LTBP3: variants seen among roughly 807,000 people sequenced by gnomAD.
LTBP3 encodes latent-transforming growth factor beta-binding protein 3.
LTBP3 carries 97 observed loss-of-function variants against 159.7 expected under a neutral mutation model. That is an observed-to-expected ratio of 0.61 (90% CI 0.52 to 0.72). LTBP3 has a LOEUF of 0.72. Ranked by LOEUF, LTBP3 falls within the 30% of genes least tolerant of loss-of-function variation. LTBP3 has a pLI of 0.00. For missense variants in LTBP3, 1,584 were observed against 1,864.3 expected, an observed-to-expected ratio of 0.85 and a Z score of 2.77; for synonymous variants, 824 against 777.1, an observed-to-expected ratio of 1.06 and a Z score of -1.00.
intron 21 of LTBP3, 122 bp from the exon 22 acceptor site, chr11:65,540,736 G>GGAGA: frequency 6.7e-7 from 1 of 1,498,374 alleles, no homozygotes; most frequent in South Asian, 1.2e-5. Flanking sequence ...GGGGCCTACA[G>GGAGA]GGCGGGGCCT....
At chr11:65,541,525 A>C in intron 19 of LTBP3, 75 bp downstream of exon 19, 2 of 1,608,572 alleles carry the variant, frequency 1.2e-6, no homozygotes, top group Non-Finnish European at 1.7e-6. Context: ...GGGTGGGGCC[A>C]GGACACATCT....
chr11:65,540,595 C>G lies in LTBP3; in HGVS notation c.2997G>C (p.Leu999Phe), dbSNP rs1284815329. 1 of 1,613,068 alleles carries G rather than the reference C, an allele frequency of 6.2e-7. No individual in the cohort carries two copies. Among genetic ancestry groups the G allele is most frequent in the Admixed American group, 1.7e-5 (1 of 59,946 alleles). ...CCTCCTTGCAAATCTCCGACCCGAA[C>G]AACATGCACTCGTCGATGTCTGCGG... ...PAHRDIDECM[L>F]FGSEICKEGK... Residue 999 changes from leucine (L) to phenylalanine (F), a missense_variant, in exon 22 of 28, where the codon TTG (leucine) becomes TTC (phenylalanine). Physicochemically the swap from Leu to Phe is conservative, Grantham distance 22 (BLOSUM62 0). Transcript: ENST00000301873.
chr11:65,558,156 G>T lies in LTBP3; in HGVS notation c.-197C>A. 1 of 1,075,648 alleles carries T rather than the reference G, an allele frequency of 9.3e-7. No homozygotes were observed. The allele number at this position is 1,075,648 out of a possible 1,614,324, so 66.6% of individuals were successfully genotyped here. A position where few individuals can be genotyped will look rare whatever the true frequency, so the allele number is the denominator to read the frequency against. ...TGCAGACTGGACAGCGGGGAGCGCA[G>T]AAACTTCCCAGCCCCAGGACGAAGC... On this transcript the variant is annotated 5_prime_UTR_variant, in exon 1 of 28. The change creates a new upstream start codon in the 5' untranslated region. Coordinates refer to ENST00000301873, the MANE Select transcript of LTBP3 (RefSeq NM_001130144.3).
Position 65,539,894 on chromosome 11 carries a change from C to T in LTBP3, c.3386-13G>A, listed in dbSNP as rs1590757132. ...TCCGGGGCACGCTCTGCGGAAGACA[C>T]CTGGCATCAGGGGAGGGGCCCAAGG... On this transcript the variant is annotated splice_polypyrimidine_tract_variant and intron_variant, in intron 24 of 27. Coordinates refer to ENST00000301873, the MANE Select transcript of LTBP3 (RefSeq NM_001130144.3). 1 of 1,507,132 alleles carries T rather than the reference C, an allele frequency of 6.6e-7. No homozygotes were observed. The highest frequency in any genetic ancestry group is 1.4e-5 in the African/African-American group (1 of 69,624). 93.4% of individuals were successfully genotyped at this position (1,507,132 alleles called of 1,614,324 possible). A position where few individuals can be genotyped will look rare whatever the true frequency, so the allele number is the denominator to read the frequency against.
chr11:65,556,472 G>C (rs1400316888), intron 1 of LTBP3, among the ~76,000 whole-genome samples: 1 of 152,188 alleles, frequency 6.6e-6, no homozygotes, highest in Non-Finnish European at 1.5e-5. Context: ...AGGTTGCAGT[G>C]AGCTGAGATT....
chr11:65,549,626 G>T (rs1477892221), intron 11 of LTBP3, among the ~76,000 whole-genome samples: 1 of 116,408 alleles, frequency 8.6e-6, no homozygotes, highest in African/African-American at 3.4e-5. Flanking sequence ...CACTATGTTG[G>T]CCAGGATGGT....
chr11:65,550,262 A>T (rs1250850584), intron 11 of LTBP3, among the ~76,000 whole-genome samples: 1 of 151,848 alleles, frequency 6.6e-6, no homozygotes, highest in Non-Finnish European at 1.5e-5. Flanking sequence ...ACACAAAAAA[A>T]TTAGCCGGGT....
chr11:65,542,940 G>A (rs1856208741), intron 18 of LTBP3, 165 bp downstream of exon 18: 1 of 768,606 alleles, frequency 1.3e-6, no homozygotes, highest in Admixed American at 1.9e-5. Context: ...AAGGATGGAT[G>A]GATGGATGGA....
intron 19 of LTBP3, 38 bp from the exon 20 acceptor site, chr11:65,541,331 C>T (rs1565090340): frequency 6.2e-7 from 1 of 1,601,278 alleles, no homozygotes; most frequent in East Asian, 2.2e-5. Flanking sequence ...GTGCACAGAC[C>T]CCCCTTGGCC....
At position 65,541,322 on chromosome 11, in the gene LTBP3, T is replaced by G. The variant is rs376130260; in HGVS notation, c.2726-29A>C. ...AGGGGCAGACGGCAGCTCAGGGTTG[T>G]GCACAGACCCCCCTTGGCCCTGTCC... is the stretch of plus-strand genomic sequence containing the variant. On this transcript the variant is annotated intron_variant, in intron 19 of 27. Transcript: ENST00000301873. 49 of 1,604,998 alleles carry G rather than the reference T, an allele frequency of 3.1e-5. No individual in the cohort carries two copies. In the African/African-American group the frequency reaches 6.1e-4, roughly 20 times the overall value.
At position 65,546,451 on chromosome 11, in the gene LTBP3, T is replaced by C. The variant is rs763878267; in HGVS notation, c.2344A>G (p.Ser782Gly). Residue 782 changes from serine (S) to glycine (G), a missense_variant, in exon 16 of 28, where the codon AGT becomes GGT. Ser to Gly is a moderately conservative substitution (Grantham distance 56, BLOSUM62 0). Around this residue, in one of 6 missense-constraint regions of LTBP3, gnomAD observed 565 missense variants for 677.7 expected, o/e 0.83. Transcript: ENST00000301873. This position sits in a 1 kb window ranked among gnomAD's most constrained non-coding sequence, Gnocchi z 4.0. ...QGYAPAPDGRSCLDVDECEAG... is the reference protein window; with the variant it reads ...QGYAPAPDGRGCLDVDECEAG... ...GGGTGCTGGCGCTCACCCAAGCAAC[T>C]GCGGCCGTCGGGCGCGGGCGCGTAG... 3 of 1,564,864 alleles carry C rather than the reference T, an allele frequency of 1.9e-6. No homozygotes were observed. Among genetic ancestry groups the C allele is most frequent in the Non-Finnish European group, 1.7e-6 (2 of 1,162,812 alleles).
chr11:65,545,241 G>A (rs571351034), intron 16 of LTBP3: 19 of 177,786 alleles, frequency 1.1e-4, no homozygotes, highest in East Asian at 3.7e-4. Flanking sequence ...AACGCCTTCC[G>A]CAGCCTGCCC....
In LTBP3 at chr11:65,552,171, A is replaced by G. The variant is rs777962782; in HGVS notation, c.1346-14T>C. ...CCTTGAACGCAGCTGCAGTCAAGAC[A>G]GCAGACACAAAAGTGAGCATTTCCT... On this transcript the variant is annotated splice_polypyrimidine_tract_variant and intron_variant, in intron 7 of 27. Coordinates refer to ENST00000301873, the MANE Select transcript of LTBP3 (RefSeq NM_001130144.3). This position sits in a 1 kb window ranked among gnomAD's most constrained non-coding sequence, Gnocchi z 6.0. 1 of 1,614,176 alleles carries G rather than the reference A, an allele frequency of 6.2e-7. No homozygotes were observed. The highest frequency in any genetic ancestry group is 2.2e-5 in the East Asian group (1 of 44,886).
chr11:65,555,893 G>A (rs988935358), intron 1 of LTBP3, among the ~76,000 whole-genome samples: 1 of 152,162 alleles, frequency 6.6e-6, no homozygotes, highest in African/African-American at 2.4e-5. Context: ...GGCCCTCAGG[G>A]TCAGGCTAAG....
intron 16 of LTBP3, chr11:65,544,377 A>G (rs1052290904): frequency 6.5e-6 from 1 of 152,798 alleles, no homozygotes; most frequent in Non-Finnish European, 1.5e-5. Context: ...GCTGGAGCCC[A>G]GGGCTTATCA....
rs1856354675 is a variant in LTBP3 at position 65,546,119 on chromosome 11, C to T, written c.2353+323G>A. ...CTCCAGTTTTCAATGAGTCCCAGCCCCCAGCCCCGCCTCTTGGCGTATAAT... is the reference window on the plus strand; with the variant it reads ...CTCCAGTTTTCAATGAGTCCCAGCCTCCAGCCCCGCCTCTTGGCGTATAAT... On this transcript the variant is annotated intron_variant, in intron 16 of 27. Coordinates refer to ENST00000301873, the MANE Select transcript of LTBP3 (RefSeq NM_001130144.3). The surrounding 1 kb of genome is among the most constrained non-coding windows in gnomAD (Gnocchi z 4.0). 8 of 394,412 alleles carry T rather than the reference C, an allele frequency of 2.0e-5. No individual in the cohort carries two copies. Among genetic ancestry groups the T allele is most frequent in the Middle Eastern group, 7.0e-4 (1 of 1,432 alleles). The allele number at this position is 394,412 out of a possible 1,614,324, so 24.4% of individuals were successfully genotyped here. A position where few individuals can be genotyped will look rare whatever the true frequency, so the allele number is the denominator to read the frequency against.
chr11:65,545,253 T>A, intron 16 of LTBP3: 39 of 173,362 alleles, frequency 2.2e-4, no homozygotes, highest in Non-Finnish European at 3.8e-4. Context: ...AGCCTGCCCC[T>A]GAACTGTCAG....
rs775536358 is a variant in LTBP3 at position 65,548,078 on chromosome 11, G to C, written c.1721-33C>G. ...CATGGCCAGGTCAAGCGGCAGAGCAGGGAGCGCTCACCTTCTGCCATATCC... is the reference window on the plus strand; with the variant it reads ...CATGGCCAGGTCAAGCGGCAGAGCACGGAGCGCTCACCTTCTGCCATATCC... On this transcript the variant is annotated intron_variant, in intron 11 of 27. Coordinates refer to ENST00000301873, the MANE Select transcript of LTBP3 (RefSeq NM_001130144.3). 8 of 1,613,226 alleles carry C rather than the reference G, an allele frequency of 5.0e-6. No individual in the cohort carries two copies. The South Asian group carries it at 6.6e-5, about 13-fold the overall frequency.
rs1278316213 is a variant in LTBP3 at position 65,547,467 on chromosome 11, G to C, written c.2079C>G (p.Leu693=). The C allele has an allele frequency of 6.2e-7, 1 of 1,614,080 alleles. No homozygotes were observed. Among genetic ancestry groups the C allele is most frequent in the Admixed American group, 1.7e-5 (1 of 60,026 alleles). Residue 693 remains leucine (L), a synonymous_variant, in exon 14 of 28, where the codon CTC becomes CTG. Coordinates refer to ENST00000301873, the MANE Select transcript of LTBP3 (RefSeq NM_001130144.3). This position sits in a 1 kb window ranked among gnomAD's most constrained non-coding sequence, Gnocchi z 4.6. ...CGCACACAGGAGGCCGGGAGGCTTT[G>C]AGCCGGTAGCCGGGGTAGCAGTTGC... ...YKCNCYPGYR[L]KASRPPVCED... is the part of the protein sequence containing the mutation.
Sources: allele counts gnomAD v4.1 joint callset (sites outside exome capture counted in the v4.1 genomes callset), GRCh38; gene constraint gnomAD v4.1.1; regional missense constraint gnomAD v4.1.1; non-coding constraint Gnocchi (gnomAD v3.1); transcripts MANE v1.5; gene names NCBI Gene and HGNC (gene_info 2026-07-23, HGNC 2026-07-21).